Variants in GDPD5 observed in about 807,000 individuals in gnomAD.
GDPD5 encodes the protein glycerophosphodiester phosphodiesterase domain containing 5.
In GDPD5, 48 loss-of-function variants were observed where a neutral mutation model predicts 75.1. The observed-to-expected ratio is 0.64, with a 90% confidence interval of 0.51 to 0.81. The LOEUF is 0.81. Among genes scored for constraint, GDPD5 ranks in the 40% least tolerant of loss-of-function variants. The probability of loss-of-function intolerance (pLI) is 0.00; values close to 1 mark genes in which losing one functional copy is unlikely to be tolerated. For synonymous variants in GDPD5, 336 were observed against 339.0 expected (o/e 0.99, Z 0.10); for missense variants, 706 against 822.6 (o/e 0.86, Z 1.73).
intron 3 of GDPD5, among the ~76,000 whole-genome samples, chr11:75,472,281 C>T (rs1207929732): frequency 6.6e-6 from 1 of 152,186 alleles, no homozygotes; most frequent in Non-Finnish European, 1.5e-5. Flanking sequence ...CAGGAATGCC[C>T]AGTGGCATCT....
chr11:75,474,346 G>A (rs969631128), intron 3 of GDPD5, among the ~76,000 whole-genome samples: 1 of 152,230 alleles, frequency 6.6e-6, no homozygotes, highest in African/African-American at 2.4e-5. Flanking sequence ...CAGTCTTCAG[G>A]GGACCCTGTG....
intron 2 of GDPD5, among the ~76,000 whole-genome samples, chr11:75,488,718 C>A (rs1950057809): frequency 6.6e-6 from 1 of 152,200 alleles, no homozygotes; most frequent in Non-Finnish European, 1.5e-5. Flanking sequence ...TTCCCCCCAA[C>A]AAAAGCCCAC....
At chr11:75,470,282 A>G (rs537993076) in intron 3 of GDPD5, among the ~76,000 whole-genome samples, 1 of 152,352 alleles carries the variant, frequency 6.6e-6, no homozygotes, top group African/African-American at 2.4e-5. Context: ...TCCTTATGTA[A>G]GAGAATTAGC....
chr11:75,452,275 CT>C (rs1468152164), intron 6 of GDPD5: 1 of 152,244 alleles, frequency 6.6e-6, no homozygotes, highest in Non-Finnish European at 1.5e-5. Context: ...AATCCTGGCT[CT>C]GCTACCTACT....
chr11:75,521,945 A>G (rs1384133803), intron 1 of GDPD5, among the ~76,000 whole-genome samples: 1 of 152,194 alleles, frequency 6.6e-6, no homozygotes, highest in African/African-American at 2.4e-5. Context: ...TACAGGCCGT[A>G]AGGAGCCACA....
At chr11:75,457,843 G>T in intron 4 of GDPD5, 57 bp from the exon 5 acceptor site, 1 of 1,388,248 alleles carries the variant, frequency 7.2e-7, no homozygotes, top group Non-Finnish European at 1.0e-6. Context: ...ACCTGGCCCA[G>T]GAATCAGGAT....
chr11:75,522,171 G>A (rs544007673), intron 1 of GDPD5, among the ~76,000 whole-genome samples: 1 of 152,280 alleles, frequency 6.6e-6, no homozygotes, highest in Non-Finnish European at 1.5e-5. Context: ...CCCTTGTTGA[G>A]TGCCTAAAGT....
intron 2 of GDPD5, among the ~76,000 whole-genome samples, chr11:75,479,712 G>A (rs1222951114): frequency 2.7e-5 from 4 of 149,454 alleles, no homozygotes; most frequent in Non-Finnish European, 5.9e-5. Flanking sequence ...TATTTACCCT[G>A]GCTTCACTCC....
intron 2 of GDPD5, among the ~76,000 whole-genome samples, chr11:75,483,629 C>T (rs1949965725): frequency 6.6e-6 from 1 of 152,202 alleles, no homozygotes. Flanking sequence ...TTACTTTACC[C>T]ATCAGGGAAT....
intron 15 of GDPD5, chr11:75,439,226 A>AG (rs1347745880): frequency 2.2e-5 from 9 of 418,476 alleles, no homozygotes; most frequent in Admixed American, 1.5e-4. Context: ...GCTGTCTGCG[A>AG]GGTGGCCCGG....
chr11:75,501,117 G>C (rs1489684993), intron 1 of GDPD5, among the ~76,000 whole-genome samples: 2 of 152,250 alleles, frequency 1.3e-5, no homozygotes, highest in African/African-American at 4.8e-5. Context: ...GGGTCCCAAA[G>C]AGGTTTCTCA....
At chr11:75,452,885 G>C (rs1460989233) in intron 6 of GDPD5, 3 of 152,770 alleles carry the variant, frequency 2.0e-5, no homozygotes, top group East Asian at 3.8e-4. Flanking sequence ...CGCCTCCTCT[G>C]TGCAGGTCCT....
chr11:75,442,725 G>A (rs1948858074), intron 11 of GDPD5, 144 bp from the exon 12 acceptor site: 1 of 685,678 alleles, frequency 1.5e-6, no homozygotes, highest in African/African-American at 1.8e-5. Flanking sequence ...GCCATGTGGA[G>A]GCTGTAGGAG....
intron 5 of GDPD5, among the ~76,000 whole-genome samples, chr11:75,457,226 A>G (rs1479107115): frequency 6.6e-6 from 1 of 152,250 alleles, no homozygotes; most frequent in Non-Finnish European, 1.5e-5. Context: ...TATCGGGAGC[A>G]AGAGCCTGAA....
At chr11:75,515,511 C>T (rs1367455884) in intron 1 of GDPD5, among the ~76,000 whole-genome samples, 1 of 151,072 alleles carries the variant, frequency 6.6e-6, no homozygotes, top group African/African-American at 2.4e-5. Flanking sequence ...CTCCTCTTAC[C>T]TGACATTCAT....
At chr11:75,448,537 G>A (rs568583805) in intron 9 of GDPD5, 10 of 988,076 alleles carry the variant, frequency 1.0e-5, no homozygotes, top group East Asian at 1.1e-4. Context: ...GGCAGAATGC[G>A]GCGCTGACTT....
At chr11:75,480,327 CAA>C (rs142189915) in intron 2 of GDPD5, among the ~76,000 whole-genome samples, 27 of 120,324 alleles carry the variant, frequency 2.2e-4, no homozygotes, top group Admixed American at 2.6e-4. Flanking sequence ...ATCTCCATCT[CAA>C]AAAAAAAAAA....
At chr11:75,452,125 C>T (rs1001125544) in intron 6 of GDPD5, 2 of 152,236 alleles carry the variant, frequency 1.3e-5, no homozygotes, top group Non-Finnish European at 2.9e-5. Flanking sequence ...GGTGCCGGGA[C>T]CCGAGAGGAG....
intron 1 of GDPD5, among the ~76,000 whole-genome samples, chr11:75,521,273 G>T (rs140292371): frequency 6.6e-6 from 1 of 152,292 alleles, no homozygotes; most frequent in African/African-American, 2.4e-5. Context: ...TTAGCCTTGA[G>T]AAAAAACCTT....
Sources: gnomAD v4.1 joint callset for allele counts (sites outside exome capture counted in the v4.1 genomes callset) on GRCh38, gnomAD v4.1.1 for gene constraint, MANE v1.5 for transcripts, NCBI Gene and HGNC (gene_info 2026-07-23, HGNC 2026-07-21) for gene names.